ATP1B3: variants seen among roughly 807,000 people sequenced by gnomAD.
ATP1B3 encodes ATPase Na+/K+ transporting subunit beta 3.
ATP1B3 carries 10 observed loss-of-function variants against 30.2 expected under a neutral mutation model. That is an observed-to-expected ratio of 0.33 (90% confidence interval 0.20 to 0.56). ATP1B3 has a LOEUF of 0.56. ATP1B3 is among the 20% of genes least tolerant of loss of function. The probability of loss-of-function intolerance (pLI) is 0.90; values close to 1 mark genes in which losing one functional copy is unlikely to be tolerated. For synonymous variants in ATP1B3, 113 were observed against 117.0 expected, an observed-to-expected ratio of 0.97 and a Z score of 0.22; for missense variants, 238 against 336.7, an observed-to-expected ratio of 0.71 and a Z score of 2.29.
At chr3:141,907,746 G>A (rs1194158225) in intron 3 of ATP1B3, among the ~76,000 whole-genome samples, 1 of 152,098 alleles carries the variant, frequency 6.6e-6, no homozygotes. Context: ...CTGAGCAAGT[G>A]CATTTTATAA....
chr3:141,891,334 G>A (rs1933949164), intron 1 of ATP1B3, among the ~76,000 whole-genome samples: 2 of 152,238 alleles, frequency 1.3e-5, no homozygotes, highest in Admixed American at 6.5e-5. Context: ...AAACCATTAA[G>A]GTAACTTACA....
chr3:141,921,942 G>A, intron 5 of ATP1B3, 35 bp from the exon 6 acceptor site: 1 of 1,213,802 alleles, frequency 8.2e-7, no homozygotes, highest in South Asian at 1.4e-5. Context: ...TTCTTTTTGT[G>A]ACCTAAAGAG....
intron 1 of ATP1B3, among the ~76,000 whole-genome samples, chr3:141,898,169 A>G (rs1380021576): frequency 6.6e-6 from 1 of 152,228 alleles, no homozygotes; most frequent in African/African-American, 2.4e-5. Context: ...GTAAACATAG[A>G]TGCAAGTCTT....
intron 1 of ATP1B3, among the ~76,000 whole-genome samples, chr3:141,890,086 CTTTTTTTTTTTT>C (rs1245235657): frequency 3.7e-5 from 4 of 107,550 alleles, no homozygotes; most frequent in African/African-American, 1.5e-4. Flanking sequence ...AATTTTTTTT[CTTTTTTTTTTTT>C]TTTTTTTTTT....
intron 5 of ATP1B3, chr3:141,916,340 A>AAT: frequency 2.1e-6 from 1 of 475,012 alleles, no homozygotes; most frequent in South Asian, 1.5e-5. Context: ...ATGGTGTCTT[A>AAT]ATACTGTATC....
intron 1 of ATP1B3, among the ~76,000 whole-genome samples, chr3:141,885,160 A>C (rs1445778383): frequency 6.6e-6 from 1 of 152,200 alleles, no homozygotes; most frequent in East Asian, 1.9e-4. Flanking sequence ...GACTTAGCCA[A>C]ATTGTGCCGG....
chr3:141,882,817 C>T (rs758086729), intron 1 of ATP1B3, among the ~76,000 whole-genome samples: 40 of 152,084 alleles, frequency 2.6e-4, no homozygotes, highest in Admixed American at 5.9e-4. Context: ...AACTCCTGAC[C>T]TCAGGTGATC....
chr3:141,925,055 A>G (rs1435737666), intron 6 of ATP1B3, among the ~76,000 whole-genome samples: 1 of 152,228 alleles, frequency 6.6e-6, no homozygotes, highest in Non-Finnish European at 1.5e-5. Flanking sequence ...ACTTGAGCTC[A>G]GGGGCATGAG....
chr3:141,887,441 C>T (rs115621855), intron 1 of ATP1B3, among the ~76,000 whole-genome samples: 165 of 152,230 alleles, frequency 1.1e-3, no homozygotes, highest in African/African-American at 3.8e-3. Context: ...GGGTAACCCC[C>T]GTTAAGTGTG....
intron 2 of ATP1B3, among the ~76,000 whole-genome samples, chr3:141,905,798 CT>C (rs201646480): frequency 2.2e-5 from 2 of 90,648 alleles, no homozygotes; most frequent in Admixed American, 1.1e-4. Context: ...AAACACTGAA[CT>C]CTGTTTATAA....
At chr3:141,891,068 T>C (rs774959060) in intron 1 of ATP1B3, among the ~76,000 whole-genome samples, 4 of 152,242 alleles carry the variant, frequency 2.6e-5, no homozygotes, top group Non-Finnish European at 5.9e-5. Context: ...TGTTCTTTTC[T>C]TAATCACTTA....
At position 141,876,897 on chromosome 3, in the gene ATP1B3, C is replaced by T. The variant is rs145984073; in HGVS notation, c.96C>T (p.Thr32=). The T allele has an allele frequency of 1.4e-3, 2,214 of 1,579,714 alleles. 6 individuals are homozygous for T. Among genetic ancestry groups the T allele is most frequent in the Non-Finnish European group, 1.7e-3 (1,974 of 1,163,556 alleles). The change falls in exon 1 of 7, where the codon ACC becomes ACT. Residue 32 remains threonine (T), a synonymous_variant. Transcript: ENST00000286371. The stretch of plus-strand genomic sequence containing the variant: ...CCACCGGAGAATTCCTGGGGCGCAC[C>T]GCCAAGAGCTGGGGTGAGCGGGCAG... The part of the protein sequence containing the change: ...NPTTGEFLGR[T]AKSWGLILLF...
chr3:141,897,561 G>T (rs1385543797), intron 1 of ATP1B3, among the ~76,000 whole-genome samples: 1 of 152,098 alleles, frequency 6.6e-6, no homozygotes, highest in Non-Finnish European at 1.5e-5. Context: ...TCTTTTACTG[G>T]TAGGTTAATC....
intron 1 of ATP1B3, among the ~76,000 whole-genome samples, chr3:141,884,833 A>G (rs1014975753): frequency 6.6e-6 from 1 of 152,200 alleles, no homozygotes; most frequent in South Asian, 2.1e-4. Flanking sequence ...AATGCAATGT[A>G]TGTATCTCAG....
intron 5 of ATP1B3, chr3:141,916,462 C>T: frequency 1.2e-6 from 1 of 839,354 alleles, no homozygotes; most frequent in South Asian, 1.4e-5. Flanking sequence ...ATTTATCTCC[C>T]CTATCCCTAC....
intron 1 of ATP1B3, among the ~76,000 whole-genome samples, chr3:141,893,966 G>A (rs1436032634): frequency 6.6e-6 from 1 of 152,136 alleles, no homozygotes; most frequent in East Asian, 1.9e-4. Context: ...TAGACATATA[G>A]GCCATATGGT....
intron 6 of ATP1B3, among the ~76,000 whole-genome samples, chr3:141,923,461 A>G (rs1250164151): frequency 6.6e-6 from 1 of 152,240 alleles, no homozygotes; most frequent in African/African-American, 2.4e-5. Context: ...GGTTCTCACC[A>G]GATGCAGCTC....
At chr3:141,899,276 T>C (rs1369947077) in intron 1 of ATP1B3, among the ~76,000 whole-genome samples, 1 of 152,246 alleles carries the variant, frequency 6.6e-6, no homozygotes, top group African/African-American at 2.4e-5. Flanking sequence ...GATTATAAAC[T>C]TGCACCTGTT....
At chr3:141,915,902 A>C in intron 4 of ATP1B3, 68 bp from the exon 5 acceptor site, 1 of 1,285,126 alleles carries the variant, frequency 7.8e-7, no homozygotes, top group Non-Finnish European at 1.1e-6. Context: ...TGTTCCCAGC[A>C]ACAGAGGGAG....
Sources: gnomAD v4.1 joint callset for allele counts (sites outside exome capture counted in the v4.1 genomes callset) on GRCh38, gnomAD v4.1.1 for gene constraint, MANE v1.5 for transcripts, NCBI Gene and HGNC (gene_info 2026-07-23, HGNC 2026-07-21) for gene names.